Variants in ZDHHC3 observed in about 807,000 individuals in gnomAD.
ZDHHC3 encodes the protein zDHHC palmitoyltransferase 3.
Under a neutral mutation model 30.6 loss-of-function variants are expected in ZDHHC3, and 9 were observed. The observed-to-expected ratio is 0.29, with a 90% CI of 0.18 to 0.51. ZDHHC3 has a LOEUF of 0.51. ZDHHC3 is among the 20% of genes least tolerant of loss of function. The probability of loss-of-function intolerance (pLI) is 0.97; values close to 1 mark genes in which losing one functional copy is unlikely to be tolerated. For synonymous variants in ZDHHC3, 136 were observed against 140.2 expected, an observed-to-expected ratio of 0.97 and a Z score of 0.21; for missense variants, 246 against 384.2, an observed-to-expected ratio of 0.64 and a Z score of 3.01.
Position 44,919,980 on chromosome 3 carries a change from G to A in ZDHHC3, c.*6709C>T, listed in dbSNP as rs963196193. ...GCAAATGATTCTATAACACTATGCA[G>A]CTAGAAAAGATGGTTTAATATGGTT... On this transcript the variant is annotated 3_prime_UTR_variant, in exon 7 of 7. Coordinates refer to ENST00000424952, the MANE Select transcript of ZDHHC3 (RefSeq NM_001135179.2). 8.8e-7 allele frequency: 1 copy of A among 1,133,198 alleles called. No homozygotes were observed. The highest frequency in any genetic ancestry group is 1.6e-5 in the African/African-American group (1 of 62,162). The allele number at this position is 1,133,198 out of a possible 1,614,324, so 70.2% of individuals were successfully genotyped here.
At chr3:44,936,876 C>T (rs547865135) in intron 3 of ZDHHC3, among the ~76,000 whole-genome samples, 1 of 141,036 alleles carries the variant, frequency 7.1e-6, no homozygotes, top group Non-Finnish European at 1.5e-5. Context: ...AAAGTTAAAA[C>T]CCCCCCCCAA....
intron 5 of ZDHHC3, among the ~76,000 whole-genome samples, chr3:44,929,824 C>A (rs1348439009): frequency 6.6e-6 from 1 of 152,222 alleles, no homozygotes; most frequent in Non-Finnish European, 1.5e-5. Context: ...TGCAGGTACA[C>A]AGGTGGAGAG....
intron 1 of ZDHHC3, among the ~76,000 whole-genome samples, chr3:44,963,417 C>A (rs1015813574): frequency 6.6e-6 from 1 of 151,708 alleles, no homozygotes; most frequent in Non-Finnish European, 1.5e-5. Context: ...GCTTAACCCC[C>A]AGACCTCCCA....
At chr3:44,928,534 C>A (rs1225057618) in intron 6 of ZDHHC3, among the ~76,000 whole-genome samples, 1 of 152,194 alleles carries the variant, frequency 6.6e-6, no homozygotes, top group African/African-American at 2.4e-5. Flanking sequence ...GCTTGTTCCT[C>A]ACACCCAGAG....
In ZDHHC3 at chr3:44,923,023, C is replaced by A; in HGVS notation, c.*3666G>T. The A allele has an allele frequency of 1.0e-6, 1 of 985,148 alleles. No individual in the cohort carries two copies. The highest frequency in any genetic ancestry group is 1.2e-6 in the Non-Finnish European group (1 of 829,876). The allele number at this position is 985,148 out of a possible 1,614,324, so 61.0% of individuals were successfully genotyped here. A position where few individuals can be genotyped will look rare whatever the true frequency, so the allele number is the denominator to read the frequency against. ...GCCTGGCTGAGAAAGCCCATCCCAG[C>A]CCACCCGGAGAGGAGTTTCTGTGTA... On this transcript the variant is annotated 3_prime_UTR_variant, in exon 7 of 7. Transcript: ENST00000424952.
chr3:44,932,893 A>C (rs1257363008), intron 5 of ZDHHC3: 5 of 1,613,760 alleles, frequency 3.1e-6, no homozygotes, highest in Middle Eastern at 1.6e-4. Context: ...TGTCTGTCCA[A>C]CTCATGACTT....
Position 44,924,309 on chromosome 3 carries a change from A to T in ZDHHC3, c.*2380T>A, listed in dbSNP as rs890270869. 2.0e-6 allele frequency: 2 copies of T among 985,352 alleles called. No homozygotes were observed. Among genetic ancestry groups the T allele is most frequent in the African/African-American group, 3.5e-5 (2 of 57,254 alleles). 61.0% of individuals were successfully genotyped at this position (985,352 alleles called of 1,614,324 possible). A position where few individuals can be genotyped will look rare whatever the true frequency, so the allele number is the denominator to read the frequency against. Reference sequence around the variant, plus strand: ...TCACTACCCTGCAAATGATGGCTACATTCCTCAGTCATTGTGCTCTTGGCA... The same window carrying T: ...TCACTACCCTGCAAATGATGGCTACTTTCCTCAGTCATTGTGCTCTTGGCA... On this transcript the variant is annotated 3_prime_UTR_variant, in exon 7 of 7. Coordinates refer to ENST00000424952, the MANE Select transcript of ZDHHC3 (RefSeq NM_001135179.2).
At position 44,925,465 on chromosome 3, in the gene ZDHHC3, C is replaced by T; in HGVS notation, c.*1224G>A. The T allele has an allele frequency of 3.0e-6, 3 of 985,494 alleles. No individual in the cohort carries two copies. Among genetic ancestry groups the T allele is most frequent in the Non-Finnish European group, 3.6e-6 (3 of 829,940 alleles). The allele number at this position is 985,494 out of a possible 1,614,324, so 61.0% of individuals were successfully genotyped here. ...AGGGCACTCCCTACCTCCTTCACCT[C>T]TATCCACCATCACCACCTCCTTCAA... On this transcript the variant is annotated 3_prime_UTR_variant, in exon 7 of 7. Coordinates refer to ENST00000424952, the MANE Select transcript of ZDHHC3 (RefSeq NM_001135179.2).
Position 44,918,597 on chromosome 3 carries a change from A to C in ZDHHC3, c.*8092T>G. On this transcript the variant is annotated 3_prime_UTR_variant, in exon 7 of 7. Transcript: ENST00000424952. ...TAGATAGGGGCTGCAAACACAGCAG[A>C]AGGACGATGGGGTTAAGGAAGGAGT... 1.0e-6 allele frequency: 1 copy of C among 985,446 alleles called. No individual in the cohort carries two copies. Among genetic ancestry groups the C allele is most frequent in the South Asian group, 4.7e-5 (1 of 21,280 alleles). The allele number at this position is 985,446 out of a possible 1,614,324, so 61.0% of individuals were successfully genotyped here.
intron 1 of ZDHHC3, among the ~76,000 whole-genome samples, chr3:44,964,978 C>A (rs75690717): frequency 3.3e-5 from 5 of 151,500 alleles, no homozygotes; most frequent in South Asian, 4.2e-4. Context: ...TGGGGAGGGG[C>A]GGGGGTAAGG....
chr3:44,922,175 T>A lies in ZDHHC3; in HGVS notation c.*4514A>T. 1 of 985,464 alleles carries A rather than the reference T, an allele frequency of 1.0e-6. No homozygotes were observed. Among genetic ancestry groups the A allele is most frequent in the Non-Finnish European group, 1.2e-6 (1 of 829,940 alleles). 61.0% of individuals were successfully genotyped at this position (985,464 alleles called of 1,614,324 possible). A position where few individuals can be genotyped will look rare whatever the true frequency, so the allele number is the denominator to read the frequency against. On this transcript the variant is annotated 3_prime_UTR_variant, in exon 7 of 7. Coordinates refer to ENST00000424952, the MANE Select transcript of ZDHHC3 (RefSeq NM_001135179.2). ...ATGAGGTGATCCTAAGCCAGATACA[T>A]ATTTAAAGAATACAAGAAAAAGCCA...
chr3:44,931,851 T>G (rs1701517749), intron 5 of ZDHHC3, among the ~76,000 whole-genome samples: 1 of 152,236 alleles, frequency 6.6e-6, no homozygotes, highest in South Asian at 2.1e-4. Flanking sequence ...TTTTGTCATC[T>G]GCAAAGTGGG....
chr3:44,933,814 G>A (rs1192256000), intron 4 of ZDHHC3, 74 bp downstream of exon 4: 2 of 1,343,426 alleles, frequency 1.5e-6, no homozygotes, highest in East Asian at 4.6e-5. Context: ...CATCGTGAAT[G>A]CTGAGAATTT....
chr3:44,942,242 C>T (rs906084031), intron 3 of ZDHHC3, among the ~76,000 whole-genome samples: 2 of 152,242 alleles, frequency 1.3e-5, no homozygotes, highest in African/African-American at 2.4e-5. Context: ...CTGGGCTCAA[C>T]GACTATAAAC....
intron 3 of ZDHHC3, among the ~76,000 whole-genome samples, chr3:44,937,386 C>A (rs955771564): frequency 6.6e-6 from 1 of 151,544 alleles, no homozygotes; most frequent in Admixed American, 6.6e-5. Context: ...GGAGAGGAGA[C>A]GGCAGTGAGC....
chr3:44,946,354 T>A (rs1702931787), intron 2 of ZDHHC3, among the ~76,000 whole-genome samples: 1 of 152,090 alleles, frequency 6.6e-6, no homozygotes, highest in Non-Finnish European at 1.5e-5. Context: ...TGTGCACCCA[T>A]CCAAACAGAA....
Position 44,921,951 on chromosome 3 carries a change from C to G in ZDHHC3, c.*4738G>C, listed in dbSNP as rs1293109679. ...CCCTCTGCAGCGCTTGTCCTCACTC[C>G]TTGGATCAGCTTCATCGGCTCCTCC... On this transcript the variant is annotated 3_prime_UTR_variant, in exon 7 of 7. Coordinates refer to ENST00000424952, the MANE Select transcript of ZDHHC3 (RefSeq NM_001135179.2). 1 of 985,326 alleles carries G rather than the reference C, an allele frequency of 1.0e-6. No individual in the cohort carries two copies. Among genetic ancestry groups the G allele is most frequent in the East Asian group, 1.1e-4 (1 of 8,826 alleles). 61.0% of individuals were successfully genotyped at this position (985,326 alleles called of 1,614,324 possible).
At chr3:44,938,060 T>C (rs893129817) in intron 3 of ZDHHC3, 4 of 274,656 alleles carry the variant, frequency 1.5e-5, no homozygotes, top group African/African-American at 9.0e-5. Flanking sequence ...CTCGGCTCAC[T>C]GCAGTCTCCA....
At chr3:44,956,399 G>A (rs1172792606) in intron 2 of ZDHHC3, among the ~76,000 whole-genome samples, 5 of 152,106 alleles carry the variant, frequency 3.3e-5, no homozygotes. Flanking sequence ...ATCAATAATG[G>A]GCACCAGTGC....
Sources: gnomAD v4.1 joint callset for allele counts (sites outside exome capture counted in the v4.1 genomes callset) on GRCh38, gnomAD v4.1.1 for gene constraint, MANE v1.5 for transcripts, NCBI Gene and HGNC (gene_info 2026-07-23, HGNC 2026-07-21) for gene names.